MAD1L1: variants seen among roughly 807,000 people sequenced by gnomAD.
MAD1L1 encodes mitotic arrest deficient 1 like 1.
In MAD1L1, 95 loss-of-function variants were observed where a neutral mutation model predicts 96.9. That is an observed-to-expected ratio of 0.98 (90% CI 0.83 to 1.16). The LOEUF (loss-of-function observed/expected upper bound fraction) is 1.16. Ranked by LOEUF, MAD1L1 falls within the 50% of genes most tolerant of loss-of-function variation. The pLI is 0.00. For missense variants in MAD1L1, 1,007 were observed against 954.4 expected (o/e 1.06, Z -0.73); for synonymous variants, 473 against 396.6 (o/e 1.19, Z -2.29).
At chr7:2,075,976 G>A (rs764442034) in intron 11 of MAD1L1, among the ~76,000 whole-genome samples, 11 of 152,200 alleles carry the variant, frequency 7.2e-5, no homozygotes, top group Admixed American at 3.3e-4. Context: ...AGGAGCCCAC[G>A]GCGTGGCCAC....
intron 3 of MAD1L1, 83 bp from the exon 4 acceptor site, chr7:2,225,633 T>A: frequency 6.9e-7 from 1 of 1,452,194 alleles, no homozygotes; most frequent in African/African-American, 1.4e-5. Context: ...GCAGACACAC[T>A]CCCTGAGGAC....
intron 18 of MAD1L1, among the ~76,000 whole-genome samples, chr7:1,827,267 G>A (rs1782443437): frequency 6.6e-6 from 1 of 152,248 alleles, no homozygotes; most frequent in African/African-American, 2.4e-5. Context: ...GGCAGCAGGA[G>A]CACAGAACAC....
chr7:1,914,975 T>C (rs1583768966), intron 17 of MAD1L1, among the ~76,000 whole-genome samples: 2 of 152,088 alleles, frequency 1.3e-5, no homozygotes, highest in Non-Finnish European at 2.9e-5. Context: ...CCTCATGCGG[T>C]GGCATCTAAG....
At chr7:1,911,080 T>C (rs1187473505) in intron 17 of MAD1L1, among the ~76,000 whole-genome samples, 1 of 288 alleles carries the variant, frequency 3.5e-3, no homozygotes, top group African/African-American at 0.019. Flanking sequence ...GCGTGCCTCA[T>C]GTCTAAGTGC....
In MAD1L1 at chr7:2,015,632, G is replaced by A. The variant is rs374756341; in HGVS notation, c.1219-990C>T. 1.1e-4 allele frequency among the ~76,000 whole-genome samples: 17 copies of A among 152,320 alleles called. 1 individual carries two copies. The highest frequency in any genetic ancestry group is 3.6e-4 in the African/African-American group (15 of 41,572). ...GGTGTGGGCCTGAACCACAGCCCCCGGACCCTTCTGGTCTCAGACGCTGAG... is the reference window on the plus strand; with the variant it reads ...GGTGTGGGCCTGAACCACAGCCCCCAGACCCTTCTGGTCTCAGACGCTGAG... On this transcript the variant is annotated intron_variant, in intron 12 of 18. Coordinates refer to ENST00000265854, the MANE Select transcript of MAD1L1 (RefSeq NM_001013836.2).
intron 11 of MAD1L1, among the ~76,000 whole-genome samples, chr7:2,134,771 T>C (rs1001093157): frequency 1.1e-4 from 16 of 152,200 alleles, no homozygotes; most frequent in African/African-American, 2.7e-4. Flanking sequence ...AGAGAGCAAC[T>C]TGTGGCTGCC....
At chr7:1,958,143 A>G (rs1779807488) in intron 15 of MAD1L1, among the ~76,000 whole-genome samples, 1 of 152,224 alleles carries the variant, frequency 6.6e-6, no homozygotes, top group African/African-American at 2.4e-5. Flanking sequence ...TGAGGAAAAG[A>G]CAGGAAAGGA....
intron 11 of MAD1L1, among the ~76,000 whole-genome samples, chr7:2,135,995 G>A (rs1436943562): frequency 6.6e-6 from 1 of 152,196 alleles, no homozygotes; most frequent in East Asian, 1.9e-4. Flanking sequence ...TTCCCAGGCA[G>A]AGGGAAAGCT....
At chr7:1,856,421 C>A (rs1784254364) in intron 18 of MAD1L1, among the ~76,000 whole-genome samples, 1 of 152,234 alleles carries the variant, frequency 6.6e-6, no homozygotes, top group Non-Finnish European at 1.5e-5. Flanking sequence ...CCAGCGGCCC[C>A]TGCCGGGGTT....
At chr7:1,902,306 G>A (rs1445018393) in intron 17 of MAD1L1, among the ~76,000 whole-genome samples, 1 of 152,188 alleles carries the variant, frequency 6.6e-6, no homozygotes, top group Non-Finnish European at 1.5e-5. Context: ...CAGGATAAAG[G>A]AGCATTTACA....
intron 17 of MAD1L1, among the ~76,000 whole-genome samples, chr7:1,915,127 T>C (rs1019956194): frequency 6.6e-6 from 1 of 152,142 alleles, no homozygotes; most frequent in Non-Finnish European, 1.5e-5. Flanking sequence ...CCAGCAGGTA[T>C]GTGTGGAGAG....
At chr7:1,827,987 C>T (rs1461868091) in intron 18 of MAD1L1, among the ~76,000 whole-genome samples, 1 of 152,058 alleles carries the variant, frequency 6.6e-6, no homozygotes, top group Non-Finnish European at 1.5e-5. Context: ...GCTGGGGATG[C>T]GGGGTGAGGA....
chr7:2,025,353 G>A (rs896771017), intron 12 of MAD1L1, among the ~76,000 whole-genome samples: 4 of 152,220 alleles, frequency 2.6e-5, no homozygotes, highest in Non-Finnish European at 5.9e-5. Flanking sequence ...TTTCCGAGCA[G>A]AACCAATGGG....
At chr7:2,160,064 C>CAA (rs61161514) in intron 10 of MAD1L1, among the ~76,000 whole-genome samples, 8 of 150,940 alleles carry the variant, frequency 5.3e-5, no homozygotes, top group East Asian at 3.9e-4. Flanking sequence ...CCCGTCTCTG[C>CAA]AAAAAAAATA....
At chr7:2,169,129 G>C (rs1790584059) in intron 10 of MAD1L1, among the ~76,000 whole-genome samples, 1 of 152,212 alleles carries the variant, frequency 6.6e-6, no homozygotes, top group Admixed American at 6.5e-5. Context: ...ACAAGCGTGG[G>C]ATGGCCTCCT....
Position 2,080,630 on chromosome 7 carries a change from C to G in MAD1L1, c.1074-11292G>C, listed in dbSNP as rs551507475. ...CCAAATGGGAGCAGGACTCAAAGAA[C>G]AGCGCTGGGCTCTGACGCCAAGTCC... On this transcript the variant is annotated intron_variant, in intron 11 of 18. Transcript: ENST00000265854. 3.7e-3 allele frequency among the ~76,000 whole-genome samples: 544 copies of G among 148,136 alleles called. 4 individuals are homozygous for G. Among genetic ancestry groups the G allele is most frequent in the African/African-American group, 0.013 (534 of 40,306 alleles).
intron 14 of MAD1L1, among the ~76,000 whole-genome samples, chr7:1,990,011 C>A (rs2128488572): frequency 6.6e-6 from 1 of 152,388 alleles, no homozygotes; most frequent in Admixed American, 6.5e-5. Flanking sequence ...CCTAATGCCA[C>A]AAACTAATAA....
intron 12 of MAD1L1, among the ~76,000 whole-genome samples, chr7:2,044,164 G>A (rs528158403): frequency 1.2e-3 from 178 of 152,358 alleles, no homozygotes; most frequent in Middle Eastern, 3.4e-3. Context: ...ATGCTCACAG[G>A]ACAGAGGCAG....
At chr7:1,972,788 G>A (rs922481168) in intron 15 of MAD1L1, among the ~76,000 whole-genome samples, 2 of 152,034 alleles carry the variant, frequency 1.3e-5, no homozygotes, top group African/African-American at 4.8e-5. Context: ...TTCTCAACGT[G>A]AACACTGAGC....
Sources: allele counts gnomAD v4.1 joint callset (sites outside exome capture counted in the v4.1 genomes callset), GRCh38; gene constraint gnomAD v4.1.1; transcripts MANE v1.5; gene names NCBI Gene and HGNC (gene_info 2026-07-23, HGNC 2026-07-21).